The following SLIT2 variants were observed in gnomAD, a reference collection of about 807,000 sequenced individuals.
The protein encoded by SLIT2 is slit homolog 2 protein.
A neutral mutation model predicts 185.7 loss-of-function variants in SLIT2; 41 were observed. The observed-to-expected ratio is 0.22, with a 90% CI of 0.17 to 0.29. The LOEUF (loss-of-function observed/expected upper bound fraction) is 0.29, where lower values mean the gene tolerates loss of function less well. Ranked by LOEUF, SLIT2 falls within the 10% of genes least tolerant of loss-of-function variation. The probability of loss-of-function intolerance (pLI) is 1.00; values close to 1 mark genes in which losing one functional copy is unlikely to be tolerated. For synonymous variants in SLIT2, 693 were observed against 680.2 expected (o/e 1.02, Z -0.29); for missense variants, 1,571 against 1,909.0 (o/e 0.82, Z 3.30).
Position 20,583,794 on chromosome 4 carries a change from A to C in SLIT2, c.3089-5850A>C, listed in dbSNP as rs372766094. 7.2e-5 allele frequency among the ~76,000 whole-genome samples: 11 copies of C among 151,990 alleles called. No homozygotes were observed. In the East Asian group the frequency reaches 1.9e-3, roughly 27 times the overall value. The stretch of plus-strand genomic sequence containing the variant: ...ACTGCACTCCAGCCTGGGCGACAGA[A>C]TGAGACTCCATCACAAAAATAATAA... On this transcript the variant is annotated intron_variant, in intron 29 of 36. Coordinates refer to ENST00000504154, the MANE Select transcript of SLIT2 (RefSeq NM_004787.4).
At chr4:20,592,901 C>G (rs1180301550) in intron 30 of SLIT2, among the ~76,000 whole-genome samples, 1 of 152,162 alleles carries the variant, frequency 6.6e-6, no homozygotes, top group Non-Finnish European at 1.5e-5. Context: ...CATTTTATTT[C>G]TTAATTCATA....
rs376836776 is a variant in SLIT2 at position 20,574,104 on chromosome 4, G to A, written c.3088+5100G>A. ...CAAGTAGCTGGGACTACAGGTGTCC[G>A]CCGCCATGCTTGGCTAATTTTTTGT... On this transcript the variant is annotated intron_variant, in intron 29 of 36. Coordinates refer to ENST00000504154, the MANE Select transcript of SLIT2 (RefSeq NM_004787.4). Among the ~76,000 whole-genome samples, 79 of 151,850 alleles carry A rather than the reference G, an allele frequency of 5.2e-4. No homozygotes were observed. The East Asian group carries it at 7.8e-3, about 15-fold the overall frequency.
intron 4 of SLIT2, among the ~76,000 whole-genome samples, chr4:20,389,660 A>G (rs1350005889): frequency 6.6e-6 from 1 of 152,132 alleles, no homozygotes; most frequent in African/African-American, 2.4e-5. Flanking sequence ...AGCTTTAGCA[A>G]CCAGAGGTGA....
intron 9 of SLIT2, among the ~76,000 whole-genome samples, chr4:20,501,858 A>G (rs548196284): frequency 6.6e-6 from 1 of 152,332 alleles, no homozygotes; most frequent in East Asian, 1.9e-4. Flanking sequence ...GAATTATACT[A>G]TTGAAAGAAT....
In SLIT2 at chr4:20,608,283, CACTT is replaced by C. The variant is rs548717434; in HGVS notation, c.3693-1728_3693-1725del. Reference sequence around the variant, plus strand: ...AATAAAGTAACTTATCTAAAACAAACACTTAATAAATGCAGGACCACGATTCGAA... The same window carrying C: ...AATAAAGTAACTTATCTAAAACAAACAATAAATGCAGGACCACGATTCGAA... On this transcript the variant is annotated intron_variant, in intron 33 of 36. Coordinates refer to ENST00000504154, the MANE Select transcript of SLIT2 (RefSeq NM_004787.4). Among the ~76,000 whole-genome samples the C allele has an allele frequency of 3.0e-3, 461 of 152,154 alleles. 3 individuals are homozygous for C. The highest frequency in any genetic ancestry group is 9.9e-3 in the African/African-American group (411 of 41,538).
At chr4:20,333,423 C>A (rs1432295798) in intron 4 of SLIT2, among the ~76,000 whole-genome samples, 2 of 152,064 alleles carry the variant, frequency 1.3e-5, no homozygotes, top group Admixed American at 6.6e-5. Flanking sequence ...TTTTTTAAAT[C>A]ATTGTATGAT....
At position 20,531,956 on chromosome 4, in the gene SLIT2, ACTT is replaced by A. The variant is rs778130574; in HGVS notation, c.1614-25_1614-23del. 3 of 1,354,790 alleles carry A rather than the reference ACTT, an allele frequency of 2.2e-6. 1 individual carries two copies. The South Asian group carries it at 4.0e-5, about 18-fold the overall frequency. 83.9% of individuals were successfully genotyped at this position (1,354,790 alleles called of 1,614,324 possible). On this transcript the variant is annotated intron_variant, in intron 16 of 36. Transcript: ENST00000504154. ...TCCTTTCCTAACTATTGGTAATAAA[ACTT>A]CTCTATTCCTTCTTTTTTCTTCAGG... is the stretch of plus-strand genomic sequence containing the variant.
rs983597658 is a variant in SLIT2 at position 20,458,349 on chromosome 4, A to T, written c.396-9403A>T. Among the ~76,000 whole-genome samples the T allele has an allele frequency of 7.2e-5, 11 of 152,286 alleles. 1 individual carries two copies. The highest frequency in any genetic ancestry group is 3.4e-3 in the Middle Eastern group (1 of 294). Reference sequence around the variant, plus strand: ...GCATCTACAATTTCCAACTAGATGCAAATAAACAAATGCCATGTTTGTAAA... The same window carrying T: ...GCATCTACAATTTCCAACTAGATGCTAATAAACAAATGCCATGTTTGTAAA... On this transcript the variant is annotated intron_variant, in intron 4 of 36. Coordinates refer to ENST00000504154, the MANE Select transcript of SLIT2 (RefSeq NM_004787.4).
At chr4:20,334,825 C>T (rs1560327309) in intron 4 of SLIT2, among the ~76,000 whole-genome samples, 2 of 152,078 alleles carry the variant, frequency 1.3e-5, no homozygotes, top group East Asian at 1.9e-4. Flanking sequence ...TCAGTTTCCT[C>T]ATGTGTAAAA....
chr4:20,570,087 C>A (rs1167086142), intron 29 of SLIT2, among the ~76,000 whole-genome samples: 1 of 151,990 alleles, frequency 6.6e-6, no homozygotes, highest in Admixed American at 6.6e-5. Flanking sequence ...GTTTTGGCAA[C>A]CCAGATCTGT....
At position 20,511,599 on chromosome 4, in the gene SLIT2, T is replaced by TTTTTTTTTTTTTA. The variant is rs1370895657; in HGVS notation, c.1058+466_1058+467insTTTTTTTTATTTT. Reference sequence around the variant, plus strand: ...CCACATCCAGCTAATTTTTTTTTTTTTTTTATTTTTGGTAGAGATGGAATT... The same window carrying TTTTTTTTTTTTTA: ...CCACATCCAGCTAATTTTTTTTTTTTTTTTTTTTTTTTATTTTATTTTTGGTAGAGATGGAATT... On this transcript the variant is annotated intron_variant, in intron 11 of 36. Coordinates refer to ENST00000504154, the MANE Select transcript of SLIT2 (RefSeq NM_004787.4). Among the ~76,000 whole-genome samples, 4 of 142,250 alleles carry TTTTTTTTTTTTTA rather than the reference T, an allele frequency of 2.8e-5. No homozygotes were observed. The South Asian group carries it at 9.1e-4, about 32-fold the overall frequency. 93.3% of individuals were successfully genotyped at this position (142,250 alleles called of 152,430 possible).
At chr4:20,431,674 G>A (rs1318215281) in intron 4 of SLIT2, among the ~76,000 whole-genome samples, 1 of 151,824 alleles carries the variant, frequency 6.6e-6, no homozygotes, top group Non-Finnish European at 1.5e-5. Flanking sequence ...CAAGACTTGC[G>A]AGAGTTCTTT....
chr4:20,330,697 G>A (rs1719989340), intron 4 of SLIT2, among the ~76,000 whole-genome samples: 1 of 63,218 alleles, frequency 1.6e-5, no homozygotes, highest in Non-Finnish European at 3.2e-5. Context: ...CTTTGATTTG[G>A]GAATGGTATT....
chr4:20,610,224 G>A (rs41266541), intron 34 of SLIT2, 57 bp downstream of exon 34: 39 of 1,489,262 alleles, frequency 2.6e-5, no homozygotes, highest in Non-Finnish European at 3.2e-5. Context: ...CATTATGGAC[G>A]AATTCTGAAG....
chr4:20,294,399 C>T (rs1716269394), intron 4 of SLIT2, among the ~76,000 whole-genome samples: 1 of 151,558 alleles, frequency 6.6e-6, no homozygotes, highest in South Asian at 2.1e-4. Context: ...GTGCTGGGCA[C>T]TATATAAAGC....
intron 4 of SLIT2, among the ~76,000 whole-genome samples, chr4:20,408,019 C>T (rs756265423): frequency 2.6e-5 from 4 of 152,100 alleles, no homozygotes; most frequent in Non-Finnish European, 4.4e-5. Flanking sequence ...AGAAAAAATG[C>T]GAGAACCGTG....
At chr4:20,342,414 CCATCATATATGCTAA>C (rs1721030685) in intron 4 of SLIT2, among the ~76,000 whole-genome samples, 1 of 151,668 alleles carries the variant, frequency 6.6e-6, no homozygotes, top group African/African-American at 2.4e-5. Flanking sequence ...TAATCAAAAC[CCATCATATATGCTAA>C]CAGGGTTTTA....
chr4:20,447,168 A>G (rs917142408), intron 4 of SLIT2, among the ~76,000 whole-genome samples: 2 of 152,228 alleles, frequency 1.3e-5, no homozygotes, highest in Non-Finnish European at 2.9e-5. Flanking sequence ...CACATTATCC[A>G]TAAGATTCTG....
chr4:20,509,738 T>C (rs1251361643), intron 9 of SLIT2, among the ~76,000 whole-genome samples: 3 of 152,214 alleles, frequency 2.0e-5, no homozygotes, highest in African/African-American at 7.2e-5. Context: ...TACTTATTTG[T>C]GCGTTTCATA....
Sources: gnomAD v4.1 joint callset for allele counts (sites outside exome capture counted in the v4.1 genomes callset) on GRCh38, gnomAD v4.1.1 for gene constraint, MANE v1.5 for transcripts, NCBI Gene and HGNC (gene_info 2026-07-23, HGNC 2026-07-21) for gene names.